The following RFC2 variants were observed in gnomAD, a reference collection of about 807,000 sequenced individuals.
The protein encoded by RFC2 is A1 40 kDa subunit.
A neutral mutation model predicts 44.8 loss-of-function variants in RFC2; 34 were observed. The ratio of observed to expected loss-of-function variants is 0.76; its 90% CI spans 0.58 to 1.01. The LOEUF (loss-of-function observed/expected upper bound fraction) is 1.01. Ranked by LOEUF, RFC2 falls within the 50% of genes least tolerant of loss-of-function variation. The probability of loss-of-function intolerance (pLI) is 0.00; values close to 1 mark genes in which losing one functional copy is unlikely to be tolerated. For missense variants in RFC2, 400 were observed against 453.6 expected, an observed-to-expected ratio of 0.88 and a Z score of 1.07; for synonymous variants, 177 against 168.9, an observed-to-expected ratio of 1.05 and a Z score of -0.37.
chr7:74,246,629 C>A, intron 5 of RFC2, 33 bp downstream of exon 5: 1 of 1,375,926 alleles, frequency 7.3e-7, no homozygotes, highest in Non-Finnish European at 1.0e-6. Context: ...ATTTAGAGAT[C>A]AAGGTCAAAA....
intron 5 of RFC2, among the ~76,000 whole-genome samples, chr7:74,245,811 A>G (rs1263939856): frequency 1.3e-5 from 2 of 151,912 alleles, no homozygotes; most frequent in Non-Finnish European, 2.9e-5. Flanking sequence ...CTATAATCCC[A>G]GCATTTTGGG....
intron 6 of RFC2, among the ~76,000 whole-genome samples, chr7:74,242,824 G>A (rs1465338769): frequency 6.6e-6 from 1 of 151,570 alleles, no homozygotes; most frequent in Non-Finnish European, 1.5e-5. Flanking sequence ...GCAGGAGGCT[G>A]AAGCACAAGA....
chr7:74,249,465 T>C (rs551175385), intron 3 of RFC2, among the ~76,000 whole-genome samples: 1 of 151,966 alleles, frequency 6.6e-6, no homozygotes, highest in South Asian at 2.1e-4. Flanking sequence ...CGCTTGAACC[T>C]GGGAGGGAGA....
In RFC2 at chr7:74,238,063, C is replaced by A. The variant is rs1321667759; in HGVS notation, c.760-621G>T. Among the ~76,000 whole-genome samples, 2 of 152,078 alleles carry A rather than the reference C, an allele frequency of 1.3e-5. No homozygotes were observed. The highest frequency in any genetic ancestry group is 4.8e-5 in the African/African-American group (2 of 41,410). The stretch of plus-strand genomic sequence containing the variant: ...CACCCACACCTGCCCTTGCCTTTTC[C>A]CGGTGGAAGCCATGGTTTCCTGAGC... On this transcript the variant is annotated intron_variant, in intron 8 of 10. Coordinates refer to ENST00000055077, the MANE Select transcript of RFC2 (RefSeq NM_181471.3). This position sits in a 1 kb window ranked among gnomAD's most constrained non-coding sequence, Gnocchi z 4.0.
chr7:74,237,775 TG>T (rs1252436847), intron 8 of RFC2, among the ~76,000 whole-genome samples: 2 of 152,154 alleles, frequency 1.3e-5, no homozygotes, highest in Non-Finnish European at 2.9e-5. Flanking sequence ...CAGAACCACT[TG>T]GAATTCACTT....
At chr7:74,243,056 C>A in intron 6 of RFC2, 90 bp downstream of exon 6, 1 of 838,616 alleles carries the variant, frequency 1.2e-6, no homozygotes, top group Non-Finnish European at 2.0e-6. Flanking sequence ...TGCACTCCAG[C>A]CTGAGCGAAG....
In RFC2 at chr7:74,238,942, T is replaced by G. The variant is rs547126676; in HGVS notation, c.740A>C (p.Asn247Thr). The G allele has an allele frequency of 5.0e-6, 8 of 1,614,060 alleles. No homozygotes were observed. The East Asian group carries it at 1.6e-4, about 31-fold the overall frequency. ...QSTFSGFGFI[N>T]SENVFKVCDE... is the part of the protein sequence containing the mutation. ...TTGTACCTTGAACACGTTCTCACTG[T>G]TAATGAAGCCAAATCCTGAGAAGGT... The change falls in exon 8 of 11, where the codon AAC becomes ACC. Residue 247 changes from asparagine to threonine, a missense_variant. Physicochemically the swap from Asn to Thr is moderately conservative, Grantham distance 65. Coordinates refer to ENST00000055077, the MANE Select transcript of RFC2 (RefSeq NM_181471.3). This position sits in a 1 kb window ranked among gnomAD's most constrained non-coding sequence, Gnocchi z 4.0.
intron 5 of RFC2, among the ~76,000 whole-genome samples, chr7:74,244,275 T>A (rs902335328): frequency 5.3e-5 from 8 of 150,284 alleles, no homozygotes; most frequent in Non-Finnish European, 1.2e-4. Context: ...CTCAAAAAAA[T>A]AAATAAATAA....
chr7:74,237,892 G>T (rs1255369992), intron 8 of RFC2, among the ~76,000 whole-genome samples: 1 of 152,156 alleles, frequency 6.6e-6, no homozygotes, highest in African/African-American at 2.4e-5. Context: ...CTAAACAAGG[G>T]GTCAGGCTAC....
chr7:74,235,706 T>G (rs1554718214), intron 9 of RFC2, 61 bp from the exon 10 acceptor site: 4 of 1,167,794 alleles, frequency 3.4e-6, no homozygotes, highest in Non-Finnish European at 5.2e-6. Context: ...ACATGTGATT[T>G]TGAGACTCAC....
intron 1 of RFC2, among the ~76,000 whole-genome samples, chr7:74,252,934 T>C (rs1432473102): frequency 1.3e-5 from 2 of 152,176 alleles, no homozygotes; most frequent in Non-Finnish European, 2.9e-5. Context: ...AGACTCTGTT[T>C]CAAAAATAAA....
chr7:74,249,276 C>A, intron 3 of RFC2, 158 bp from the exon 4 acceptor site: 1 of 1,381,142 alleles, frequency 7.2e-7, no homozygotes, highest in Non-Finnish European at 9.9e-7. Flanking sequence ...GACAGTGGCT[C>A]ACACCTATAA....
intron 6 of RFC2, among the ~76,000 whole-genome samples, chr7:74,242,019 T>C (rs1441980344): frequency 6.6e-6 from 1 of 152,110 alleles, no homozygotes; most frequent in Non-Finnish European, 1.5e-5. Flanking sequence ...AGAGCACTCT[T>C]GGGACCTGGG....
At chr7:74,243,980 G>A (rs1803468189) in intron 5 of RFC2, among the ~76,000 whole-genome samples, 1 of 151,114 alleles carries the variant, frequency 6.6e-6, no homozygotes, top group African/African-American at 2.4e-5. Context: ...GCCAGGCATA[G>A]TGGCTCATGC....
chr7:74,245,539 C>T (rs182926141), intron 5 of RFC2, among the ~76,000 whole-genome samples: 185 of 148,496 alleles, frequency 1.2e-3, no homozygotes, highest in African/African-American at 4.3e-3. Context: ...AGTGAAACCC[C>T]GTCTCTACTA....
intron 6 of RFC2, among the ~76,000 whole-genome samples, chr7:74,240,510 A>G (rs1479709037): frequency 6.6e-6 from 1 of 151,636 alleles, no homozygotes; most frequent in African/African-American, 2.4e-5. Flanking sequence ...TCCAAAAAAA[A>G]AAAAAAAAAA....
rs373087071 is a variant in RFC2 at position 74,243,240 on chromosome 7, G to A, written c.441C>T (p.Thr147=). ...TCCTCAAGGCTTGCTGGGCTCCGTC[G>A]GTCATGCTGAGAAGAAAAACACAAG... is the stretch of plus-strand genomic sequence containing the variant. The part of the protein sequence containing the change: ...IIILDEADSM[T]DGAQQALRRT... The change falls in exon 6 of 11, where the codon ACC becomes ACT. Residue 147 remains threonine (T), a synonymous_variant. Coordinates refer to ENST00000055077, the MANE Select transcript of RFC2 (RefSeq NM_181471.3). 7.4e-6 allele frequency: 12 copies of A among 1,611,810 alleles called. No individual in the cohort carries two copies. Among genetic ancestry groups the A allele is most frequent in the South Asian group, 3.3e-5 (3 of 90,986 alleles).
chr7:74,235,041 C>CT (rs1170753852), intron 10 of RFC2, among the ~76,000 whole-genome samples: 72 of 149,198 alleles, frequency 4.8e-4, no homozygotes, highest in African/African-American at 1.4e-3. Flanking sequence ...GGCCCACAGT[C>CT]TTTTTTTTTT....
chr7:74,236,913 C>T (rs1214824786), intron 9 of RFC2, among the ~76,000 whole-genome samples: 3 of 151,894 alleles, frequency 2.0e-5, no homozygotes, highest in Admixed American at 6.6e-5. Context: ...GAGCTGTGAC[C>T]GCGCCAGTGC....
Sources: allele counts gnomAD v4.1 joint callset (sites outside exome capture counted in the v4.1 genomes callset), GRCh38; gene constraint gnomAD v4.1.1; non-coding constraint Gnocchi (gnomAD v3.1); transcripts MANE v1.5; gene names NCBI Gene and HGNC (gene_info 2026-07-23, HGNC 2026-07-21).